The following KCNMA1 variants were observed in gnomAD, a reference collection of about 807,000 sequenced individuals.
KCNMA1 encodes potassium calcium-activated channel subfamily M alpha 1.
In KCNMA1, 29 loss-of-function variants were observed where a neutral mutation model predicts 140.0. That is an observed-to-expected ratio of 0.21 (90% CI 0.15 to 0.28). The LOEUF (loss-of-function observed/expected upper bound fraction) is 0.28. Ranked by LOEUF, KCNMA1 falls within the 10% of genes least tolerant of loss-of-function variation. KCNMA1 has a pLI of 1.00. For missense variants in KCNMA1, 880 were observed against 1,602.2 expected, an observed-to-expected ratio of 0.55 and a Z score of 7.70; for synonymous variants, 612 against 611.9, an observed-to-expected ratio of 1.00 and a Z score of 0.00.
intron 3 of KCNMA1, among the ~76,000 whole-genome samples, chr10:77,243,002 A>G (rs1239304696): frequency 2.6e-5 from 4 of 152,040 alleles, no homozygotes; most frequent in Non-Finnish European, 5.9e-5. Context: ...ATATGCATCA[A>G]AAAGTCCCAA....
At chr10:77,572,697 A>G (rs1358846609) in intron 1 of KCNMA1, among the ~76,000 whole-genome samples, 1 of 141,276 alleles carries the variant, frequency 7.1e-6, no homozygotes, top group Non-Finnish European at 1.5e-5. Context: ...TCAAGGCTGC[A>G]GTGAGCCATG....
intron 19 of KCNMA1, chr10:76,977,647 A>T (rs1288414197): frequency 5.7e-6 from 4 of 702,810 alleles, no homozygotes; most frequent in Non-Finnish European, 1.0e-5. Context: ...ACCTGCCAAG[A>T]CAGCCAAATA....
At chr10:77,391,245 C>G (rs1241071099) in intron 2 of KCNMA1, among the ~76,000 whole-genome samples, 1 of 152,138 alleles carries the variant, frequency 6.6e-6, no homozygotes, top group East Asian at 1.9e-4. Context: ...GTGGTGCAAA[C>G]AGGTTTAATG....
At chr10:77,508,036 T>C (rs1054633267) in intron 1 of KCNMA1, among the ~76,000 whole-genome samples, 6 of 152,254 alleles carry the variant, frequency 3.9e-5, no homozygotes, top group Non-Finnish European at 8.8e-5. Context: ...ATATGCATCA[T>C]TTAAAAGCAT....
rs140667059 is a variant in KCNMA1 at position 76,926,903 on chromosome 10, C to T, written c.2903-11854G>A. Among the ~76,000 whole-genome samples, 1,336 of 152,268 alleles carry T rather than the reference C, an allele frequency of 8.8e-3. 17 individuals carry two copies. Among genetic ancestry groups the T allele is most frequent in the African/African-American group, 0.03 (1,259 of 41,544 alleles). On this transcript the variant is annotated intron_variant, in intron 23 of 27. Transcript: ENST00000286628. ...CACAACTCCAGGTACACATCATATC[C>T]TCTCTCAGGAGTAGCCCCTAAGGCA...
intron 14 of KCNMA1, among the ~76,000 whole-genome samples, chr10:77,059,668 A>G (rs1475105994): frequency 6.6e-6 from 1 of 152,174 alleles, no homozygotes; most frequent in Non-Finnish European, 1.5e-5. Context: ...ATTGAAAAAA[A>G]TAAAACTCTC....
intron 1 of KCNMA1, among the ~76,000 whole-genome samples, chr10:77,619,803 G>C (rs1240995891): frequency 1.3e-5 from 2 of 152,156 alleles, no homozygotes; most frequent in Non-Finnish European, 2.9e-5. Flanking sequence ...CAGAGAGGAC[G>C]CATCAGGGAA....
At chr10:77,127,916 G>A in intron 5 of KCNMA1, among the ~76,000 whole-genome samples, 1 of 152,116 alleles carries the variant, frequency 6.6e-6, no homozygotes, top group East Asian at 1.9e-4. Context: ...GGAAGTTGCA[G>A]TGAGCCGAGA....
chr10:76,890,245 T>G (rs1292874210), intron 26 of KCNMA1, among the ~76,000 whole-genome samples: 1 of 152,176 alleles, frequency 6.6e-6, no homozygotes, highest in Admixed American at 6.5e-5. Context: ...TGAAAGCAAA[T>G]GCATCCACTT....
chr10:77,544,803 C>A (rs552414932), intron 1 of KCNMA1, among the ~76,000 whole-genome samples: 4 of 152,276 alleles, frequency 2.6e-5, no homozygotes, highest in Non-Finnish European at 4.4e-5. Context: ...AACCAAAATT[C>A]TTTGCTAGAA....
chr10:77,135,290 G>A (rs1485055066), intron 5 of KCNMA1, among the ~76,000 whole-genome samples: 1 of 152,046 alleles, frequency 6.6e-6, no homozygotes, highest in Non-Finnish European at 1.5e-5. Context: ...AAACTACAAT[G>A]AACTATCACT....
chr10:76,894,215 T>C (rs2041520791), intron 25 of KCNMA1, among the ~76,000 whole-genome samples: 2 of 152,110 alleles, frequency 1.3e-5, no homozygotes, highest in African/African-American at 4.8e-5. Flanking sequence ...GCCAAGACCA[T>C]TCAATGGAGA....
intron 5 of KCNMA1, among the ~76,000 whole-genome samples, chr10:77,152,277 T>TG (rs1346296919): frequency 7.8e-5 from 8 of 102,364 alleles, no homozygotes; most frequent in South Asian, 3.5e-4. Context: ...TTTTTTTGCT[T>TG]TTGTGTGTGT....
In KCNMA1 at chr10:77,312,812, G is replaced by T. The variant is rs144036992; in HGVS notation, c.541-61556C>A. On this transcript the variant is annotated intron_variant, in intron 2 of 27. Coordinates refer to ENST00000286628, the MANE Select transcript of KCNMA1 (RefSeq NM_001161352.2). ...AGCCCTCCACATGAGCCTGGTGGGG[G>T]TGTACTTGTTTCCATTGTATGCATG... Among the ~76,000 whole-genome samples the T allele has an allele frequency of 3.5e-4, 53 of 152,266 alleles. No individual in the cohort carries two copies. The Middle Eastern group carries it at 0.014, about 39-fold the overall frequency.
At chr10:77,592,513 C>T (rs2079516305) in intron 1 of KCNMA1, among the ~76,000 whole-genome samples, 1 of 152,204 alleles carries the variant, frequency 6.6e-6, no homozygotes, top group African/African-American at 2.4e-5. Flanking sequence ...ATTCTCTGTA[C>T]TAATTTGCAA....
intron 2 of KCNMA1, among the ~76,000 whole-genome samples, chr10:77,271,413 C>T (rs906464171): frequency 4.6e-5 from 7 of 152,082 alleles, no homozygotes; most frequent in East Asian, 1.9e-4. Context: ...GGTGCTCTCT[C>T]GTCTCACAAA....
intron 2 of KCNMA1, among the ~76,000 whole-genome samples, chr10:77,312,352 G>A (rs1438852588): frequency 2.0e-5 from 3 of 152,236 alleles, no homozygotes; most frequent in African/African-American, 4.8e-5. Context: ...ATGGCCGGCC[G>A]CGGTGGCTCA....
intron 2 of KCNMA1, among the ~76,000 whole-genome samples, chr10:77,291,364 A>G (rs1037456864): frequency 6.6e-6 from 1 of 152,196 alleles, no homozygotes; most frequent in Non-Finnish European, 1.5e-5. Flanking sequence ...TTCAACTCTC[A>G]TGCAAAACTC....
chr10:76,951,558 A>G (rs564101034), intron 21 of KCNMA1, among the ~76,000 whole-genome samples: 1 of 152,272 alleles, frequency 6.6e-6, no homozygotes, highest in African/African-American at 2.4e-5. Context: ...GGAAATTACA[A>G]TTGGGACTAT....
Sources: allele counts gnomAD v4.1 joint callset (sites outside exome capture counted in the v4.1 genomes callset), GRCh38; gene constraint gnomAD v4.1.1; transcripts MANE v1.5; gene names NCBI Gene and HGNC (gene_info 2026-07-23, HGNC 2026-07-21).